SASH1: variants seen among roughly 807,000 people sequenced by gnomAD.
SASH1 encodes SAM and SH3 domain containing 1, also known as SAM and SH3 domain-containing protein 1.
A neutral mutation model predicts 125.2 loss-of-function variants in SASH1; 44 were observed. That is an observed-to-expected ratio of 0.35 (90% CI 0.28 to 0.45). The LOEUF is 0.45. Ranked by LOEUF, SASH1 falls within the 20% of genes least tolerant of loss-of-function variation. The pLI is 1.00. For missense variants in SASH1, 1,426 were observed against 1,614.5 expected (o/e 0.88, Z 2.00); for synonymous variants, 639 against 649.1 (o/e 0.98, Z 0.24).
At position 148,376,505 on chromosome 6, in the gene SASH1, A is replaced by G. The variant is rs113546366; in HGVS notation, c.157-13629A>G. ...GGGCTTATTGTAAGCGCTCATCACC[A>G]CAAAAGGAATATATGCATGTTTTCC... is the stretch of plus-strand genomic sequence containing the variant. On this transcript the variant is annotated intron_variant, in intron 1 of 19. Transcript: ENST00000367467. Among the ~76,000 whole-genome samples, 143 of 152,322 alleles carry G rather than the reference A, an allele frequency of 9.4e-4. 1 individual carries two copies. Among genetic ancestry groups the G allele is most frequent in the African/African-American group, 3.3e-3 (136 of 41,574 alleles).
chr6:148,487,573 G>A (rs1164128548), intron 7 of SASH1, 41 bp from the exon 8 acceptor site: 3 of 1,446,882 alleles, frequency 2.1e-6, no homozygotes, highest in Admixed American at 1.7e-5. Flanking sequence ...CCAGTGTCTG[G>A]CCATTCTTTC....
Position 148,399,486 on chromosome 6 carries a change from A to C in SASH1, c.285+9224A>C, listed in dbSNP as rs1002286326. ...GGTGAGCCACCCGCGTCAGCCCCCCAAAATGCTAGGATTACAGAATTTCAG... is the reference window on the plus strand; with the variant it reads ...GGTGAGCCACCCGCGTCAGCCCCCCCAAATGCTAGGATTACAGAATTTCAG... On this transcript the variant is annotated intron_variant, in intron 2 of 19. Transcript: ENST00000367467. Among the ~76,000 whole-genome samples the C allele has an allele frequency of 3.9e-5, 6 of 152,136 alleles. No homozygotes were observed. In the East Asian group the frequency reaches 1.2e-3, roughly 29 times the overall value.
At chr6:148,431,273 A>G (rs1776048531) in intron 2 of SASH1, among the ~76,000 whole-genome samples, 1 of 151,478 alleles carries the variant, frequency 6.6e-6, no homozygotes, top group Admixed American at 6.6e-5. Flanking sequence ...ATCTCGGCTC[A>G]CTGCAACCTC....
intron 1 of SASH1, among the ~76,000 whole-genome samples, chr6:148,377,717 A>G (rs1024717475): frequency 1.6e-4 from 25 of 152,196 alleles, no homozygotes; most frequent in African/African-American, 5.3e-4. Context: ...CTAGATCTTT[A>G]TTTTTATAAT....
chr6:148,506,671 T>G (rs1147865), intron 8 of SASH1, among the ~76,000 whole-genome samples: 110,094 of 152,012 alleles, frequency 0.72, 40,479 homozygotes, highest in African/African-American at 0.84. Flanking sequence ...AACCCAGGTT[T>G]TTCTAACCCC....
rs566356091 is a variant in SASH1 at position 148,409,711 on chromosome 6, G to A, written c.285+19449G>A. ...AGCATTCTGGGAGGCCTAGGTGGGC[G>A]GATCATGAGGTCAGGAGTTCGAGAC... is the stretch of plus-strand genomic sequence containing the variant. On this transcript the variant is annotated intron_variant, in intron 2 of 19. Transcript: ENST00000367467. Among the ~76,000 whole-genome samples, 52 of 152,262 alleles carry A rather than the reference G, an allele frequency of 3.4e-4. No homozygotes were observed. The East Asian group carries it at 6.4e-3, about 19-fold the overall frequency.
rs534932482 is a variant in SASH1, at chr6:148,300,403, TCAAA to T, written n.74+28038_74+28041del. On this transcript the variant is annotated intron_variant and non_coding_transcript_variant, in intron 1 of 3. Coordinates refer to the SASH1 transcript ENST00000367469. Reference sequence around the variant, plus strand: ...ACTAGAATAAGCTTTAGGGGCCTGGTCAAACAAACAAACAACAACTTTACCTCTC... The same window carrying T: ...ACTAGAATAAGCTTTAGGGGCCTGGTCAAACAAACAACAACTTTACCTCTC... 9.2e-4 allele frequency among the ~76,000 whole-genome samples: 126 copies of T among 137,136 alleles called. 1 individual carries two copies. In the Middle Eastern group the frequency reaches 0.026, roughly 29 times the overall value. 90.0% of individuals were successfully genotyped at this position (137,136 alleles called of 152,430 possible).
intron 2 of SASH1, among the ~76,000 whole-genome samples, chr6:148,421,178 A>AAAGAAAGAAAG (rs1785073021): frequency 6.8e-6 from 1 of 146,908 alleles, no homozygotes; most frequent in Admixed American, 6.8e-5. Flanking sequence ...AGAAAGAAAG[A>AAAGAAAGAAAG]AAGAAAGAAA....
rs573504091 is a variant in SASH1, at chr6:148,449,114, G to A, written c.386+8707G>A. ...TTTTTGGAGACAGAGTCTCACCCAG[G>A]CTGGAGTGCAGTGGTGCAAATCTCG... On this transcript the variant is annotated intron_variant, in intron 4 of 19. Transcript: ENST00000367467. 3.1e-3 allele frequency among the ~76,000 whole-genome samples: 220 copies of A among 70,554 alleles called. 1 individual carries two copies. The Middle Eastern group carries it at 0.034, about 11-fold the overall frequency. The allele number at this position is 70,554 out of a possible 152,430, so 46.3% of individuals were successfully genotyped here.
At chr6:148,493,550 A>G (rs1176008002) in intron 8 of SASH1, among the ~76,000 whole-genome samples, 1 of 152,206 alleles carries the variant, frequency 6.6e-6, no homozygotes, top group Non-Finnish European at 1.5e-5. Context: ...AGTTTTAGGG[A>G]TCACAAGGCC....
At chr6:148,487,448 TACC>T (rs1226525407) in intron 7 of SASH1, among the ~76,000 whole-genome samples, 163 bp from the exon 8 acceptor site, 1 of 152,106 alleles carries the variant, frequency 6.6e-6, no homozygotes, top group Non-Finnish European at 1.5e-5. Flanking sequence ...GGTACTTAGT[TACC>T]AACACTGGCA....
chr6:148,294,792 T>A (rs978880806), intron 1 of SASH1, among the ~76,000 whole-genome samples: 1 of 152,134 alleles, frequency 6.6e-6, no homozygotes, highest in Non-Finnish European at 1.5e-5. Context: ...TATATCTTAT[T>A]GGATGGAAAA....
chr6:148,293,097 A>G (rs1165525262), intron 1 of SASH1, among the ~76,000 whole-genome samples: 1 of 152,014 alleles, frequency 6.6e-6, no homozygotes, highest in Non-Finnish European at 1.5e-5. Flanking sequence ...CAGCCCAGAA[A>G]GGTGTATAAG....
chr6:148,382,118 A>G (rs1324466995), intron 1 of SASH1, among the ~76,000 whole-genome samples: 1 of 139,866 alleles, frequency 7.1e-6, no homozygotes, highest in Non-Finnish European at 1.6e-5. Context: ...GAAGTGAATC[A>G]GCAGCATATT....
At chr6:148,313,466 G>A (rs897704166) in intron 1 of SASH1, among the ~76,000 whole-genome samples, 2 of 152,142 alleles carry the variant, frequency 1.3e-5, no homozygotes, top group East Asian at 3.8e-4. Context: ...GTTCTTCTGG[G>A]TAGAAAATAC....
At chr6:148,287,886 G>A (rs1317542581) in intron 1 of SASH1, among the ~76,000 whole-genome samples, 3 of 152,152 alleles carry the variant, frequency 2.0e-5, no homozygotes, top group Admixed American at 6.5e-5. Context: ...GCTGCTTAGT[G>A]ATGGTTTCTT....
chr6:148,359,948 C>T (rs981295498), intron 1 of SASH1, among the ~76,000 whole-genome samples: 9 of 152,062 alleles, frequency 5.9e-5, no homozygotes, highest in African/African-American at 9.7e-5. Flanking sequence ...TTAGTAGAGA[C>T]GGGGTTTCAC....
chr6:148,342,143 T>C (rs112989067), upstream of SASH1, among the ~76,000 whole-genome samples: 11 of 152,310 alleles, frequency 7.2e-5, no homozygotes, highest in African/African-American at 2.2e-4. Flanking sequence ...CCGAAAGCCC[T>C]AGCAATGCAT....
At chr6:148,421,168 A>AGAAAGAAAGAAAGAAAGAAC (rs1785066525) in intron 2 of SASH1, among the ~76,000 whole-genome samples, 1 of 137,228 alleles carries the variant, frequency 7.3e-6, no homozygotes, top group Admixed American at 7.3e-5. Flanking sequence ...AAAGAAAGAA[A>AGAAAGAAAGAAAGAAAGAAC]GAAAGAAAGA....
Sources: gnomAD v4.1 joint callset for allele counts (sites outside exome capture counted in the v4.1 genomes callset) on GRCh38, gnomAD v4.1.1 for gene constraint, MANE v1.5 for transcripts, NCBI Gene and HGNC (gene_info 2026-07-23, HGNC 2026-07-21) for gene names.